LTA4H: variants seen among roughly 807,000 people sequenced by gnomAD.
LTA4H encodes the protein leukotriene A-4 hydrolase.
A neutral mutation model predicts 89.8 loss-of-function variants in LTA4H; 59 were observed. That is an observed-to-expected ratio of 0.66 (90% CI 0.53 to 0.82). LTA4H has a LOEUF of 0.82. LTA4H is among the 40% of genes least tolerant of loss of function. The pLI is 0.00. For synonymous variants in LTA4H, 227 were observed against 253.1 expected (o/e 0.90, Z 0.98); for missense variants, 617 against 727.0 (o/e 0.85, Z 1.74).
chr12:96,026,409 T>C (rs540862489), intron 3 of LTA4H, among the ~76,000 whole-genome samples: 1 of 152,218 alleles, frequency 6.6e-6, no homozygotes, highest in African/African-American at 2.4e-5. Flanking sequence ...GAATAATATA[T>C]TCAAAATTAA....
chr12:96,030,793 T>G (rs911557809), intron 1 of LTA4H, among the ~76,000 whole-genome samples: 6 of 152,178 alleles, frequency 3.9e-5, no homozygotes, highest in Non-Finnish European at 7.4e-5. Context: ...TACTTTCTTT[T>G]GGGGGTACCT....
chr12:96,038,617 G>T (rs959589898), upstream of LTA4H, among the ~76,000 whole-genome samples: 1 of 151,640 alleles, frequency 6.6e-6, no homozygotes, highest in Non-Finnish European at 1.5e-5. Context: ...GAGCTCAAGG[G>T]ATCCACCTGC....
upstream of LTA4H, among the ~76,000 whole-genome samples, chr12:96,035,913 G>A (rs1950637358): frequency 6.6e-6 from 1 of 152,172 alleles, no homozygotes; most frequent in Non-Finnish European, 1.5e-5. Flanking sequence ...CGTGGAAGCT[G>A]TGGTGGCAAA....
chr12:96,003,175 T>C, intron 17 of LTA4H, 111 bp from the exon 18 acceptor site: 1 of 670,614 alleles, frequency 1.5e-6, no homozygotes, highest in Admixed American at 2.4e-5. Flanking sequence ...CCACTATAGT[T>C]ATACTGTACA....
intron 1 of LTA4H, among the ~76,000 whole-genome samples, chr12:96,030,438 G>C (rs1023968384): frequency 7.9e-5 from 12 of 152,026 alleles, no homozygotes; most frequent in Admixed American, 2.0e-4. Context: ...ATTTCCATGG[G>C]ACATAGCACC....
intron 11 of LTA4H, 51 bp from the exon 12 acceptor site, chr12:96,015,050 C>A: frequency 6.4e-7 from 1 of 1,555,120 alleles, no homozygotes. Context: ...CTGCTATCAC[C>A]ACGCAAATAA....
At chr12:96,028,668 A>G (rs994407149) in intron 2 of LTA4H, among the ~76,000 whole-genome samples, 1 of 152,170 alleles carries the variant, frequency 6.6e-6, no homozygotes, top group African/African-American at 2.4e-5. Context: ...TGGCATTATC[A>G]TTGTCCCATT....
chr12:96,009,171 GT>G (rs951050352), intron 14 of LTA4H, 23 bp from the exon 15 acceptor site: 1 of 1,529,098 alleles, frequency 6.5e-7, no homozygotes, highest in Non-Finnish European at 9.0e-7. Context: ...AGATTACATT[GT>G]TTAAAAATGC....
chr12:96,024,959 C>T (rs892437392), intron 3 of LTA4H, among the ~76,000 whole-genome samples: 7 of 152,168 alleles, frequency 4.6e-5, no homozygotes, highest in Non-Finnish European at 7.4e-5. Flanking sequence ...TGAGCCACCA[C>T]GCCTGGCCTT....
chr12:96,042,249 C>G (rs1950693395), intron 1 of LTA4H, among the ~76,000 whole-genome samples: 1 of 152,104 alleles, frequency 6.6e-6, no homozygotes, highest in Non-Finnish European at 1.5e-5. Context: ...GCAATGTGCC[C>G]ATCTCAGCCT....
chr12:96,035,959 G>T (rs754918526), upstream of LTA4H, among the ~76,000 whole-genome samples: 4 of 152,164 alleles, frequency 2.6e-5, no homozygotes, highest in Middle Eastern at 3.2e-3. Flanking sequence ...TTTGCATATA[G>T]CGAGGGCGGG....
intron 1 of LTA4H, 110 bp from the exon 2 acceptor site, chr12:96,029,295 T>A: frequency 1.9e-6 from 1 of 534,594 alleles, no homozygotes; most frequent in Non-Finnish European, 3.1e-6. Flanking sequence ...AAATACAGAG[T>A]GAAATTAGAA....
chr12:96,013,295 G>A, intron 13 of LTA4H, 37 bp from the exon 14 acceptor site: 2 of 1,444,118 alleles, frequency 1.4e-6, no homozygotes, highest in Non-Finnish European at 1.9e-6. Context: ...ACAATAGAAT[G>A]CCCTTTCCTG....
intron 10 of LTA4H, among the ~76,000 whole-genome samples, 161 bp downstream of exon 10, chr12:96,016,883 G>C (rs987905612): frequency 1.3e-5 from 2 of 150,454 alleles, no homozygotes; most frequent in Non-Finnish European, 3.0e-5. Flanking sequence ...CTGAGTGACA[G>C]AGTGAGACTC....
intron 16 of LTA4H, among the ~76,000 whole-genome samples, chr12:96,005,750 T>TA (rs1375253242): frequency 6.7e-6 from 1 of 149,402 alleles, no homozygotes; most frequent in Non-Finnish European, 1.5e-5. Flanking sequence ...CTAATGTTTT[T>TA]AAAAAAATTT....
intron 16 of LTA4H, 73 bp downstream of exon 16, chr12:96,006,241 C>A: frequency 1.2e-6 from 1 of 842,404 alleles, no homozygotes; most frequent in Non-Finnish European, 1.9e-6. Context: ...TAATCTTTTG[C>A]CAAGTTGGGT....
intron 1 of LTA4H, among the ~76,000 whole-genome samples, chr12:96,030,258 A>G (rs547542749): frequency 6.6e-6 from 1 of 151,998 alleles, no homozygotes; most frequent in Non-Finnish European, 1.5e-5. Context: ...AAAAATATGG[A>G]TATGTCCCAA....
chr12:96,025,172 G>T (rs953918289), intron 3 of LTA4H, among the ~76,000 whole-genome samples: 3 of 151,714 alleles, frequency 2.0e-5, no homozygotes, highest in Non-Finnish European at 2.9e-5. Context: ...TAGCAAAACA[G>T]ACCTGAGAAG....
chr12:96,032,672 T>C (rs778714856), intron 1 of LTA4H, among the ~76,000 whole-genome samples: 1 of 152,252 alleles, frequency 6.6e-6, no homozygotes, highest in African/African-American at 2.4e-5. Context: ...TTTTGTACCA[T>C]AAATTGCCTT....
Sources: allele counts gnomAD v4.1 joint callset (sites outside exome capture counted in the v4.1 genomes callset), GRCh38; gene constraint gnomAD v4.1.1; transcripts MANE v1.5; gene names NCBI Gene and HGNC (gene_info 2026-07-23, HGNC 2026-07-21).